Variants in ZSWIM6 observed in about 807,000 individuals in gnomAD.
ZSWIM6 encodes the protein zinc finger SWIM domain-containing protein 6.
A neutral mutation model predicts 113.2 loss-of-function variants in ZSWIM6; 9 were observed. The ratio of observed to expected loss-of-function variants is 0.08; its 90% CI spans 0.05 to 0.14. The LOEUF is 0.14. ZSWIM6 is among the 10% of genes least tolerant of loss of function. The probability of loss-of-function intolerance (pLI) is 1.00; values close to 1 mark genes in which losing one functional copy is unlikely to be tolerated. For synonymous variants in ZSWIM6, 611 were observed against 606.5 expected (o/e 1.01, Z -0.11); for missense variants, 1,162 against 1,552.2 (o/e 0.75, Z 4.22).
chr5:61,426,131 T>C (rs950199524), intron 1 of ZSWIM6, among the ~76,000 whole-genome samples: 2 of 152,202 alleles, frequency 1.3e-5, no homozygotes, highest in Non-Finnish European at 2.9e-5. Context: ...TGAGGCAGTT[T>C]AGGCCATTGC....
At chr5:61,390,790 C>T (rs1745690658) in intron 1 of ZSWIM6, 1 of 790,170 alleles carries the variant, frequency 1.3e-6, no homozygotes, top group Non-Finnish European at 2.3e-6. Context: ...AACTTAAGGT[C>T]AATCTTCTCC....
chr5:61,356,753 T>A (rs28439612), intron 1 of ZSWIM6, among the ~76,000 whole-genome samples: 2 of 137,370 alleles, frequency 1.5e-5, no homozygotes, highest in Non-Finnish European at 3.1e-5. Context: ...ATATATATAT[T>A]ATATATAATA....
Position 61,544,489 on chromosome 5 carries a change from T to C in ZSWIM6, c.*172T>C. ...TGTCATGTTGTGAAAGTTTGTGTGTTTTTTATTTTTTCCCTATTTCTTTCT... is the reference window on the plus strand; with the variant it reads ...TGTCATGTTGTGAAAGTTTGTGTGTCTTTTATTTTTTCCCTATTTCTTTCT... On this transcript the variant is annotated 3_prime_UTR_variant, in exon 14 of 14. Coordinates refer to ENST00000252744, the MANE Select transcript of ZSWIM6 (RefSeq NM_020928.2). The C allele has an allele frequency of 2.8e-6, 1 of 360,540 alleles. No individual in the cohort carries two copies. The highest frequency in any genetic ancestry group is 1.1e-4 in the South Asian group (1 of 8,824). 22.3% of individuals were successfully genotyped at this position (360,540 alleles called of 1,614,324 possible). A position where few individuals can be genotyped will look rare whatever the true frequency, so the allele number is the denominator to read the frequency against.
chr5:61,374,729 T>C (rs1745333593), intron 1 of ZSWIM6, among the ~76,000 whole-genome samples: 2 of 151,862 alleles, frequency 1.3e-5, no homozygotes, highest in South Asian at 2.1e-4. Flanking sequence ...GATTTTTTTG[T>C]ATTTTTTAGT....
At chr5:61,365,423 T>A (rs919988093) in intron 1 of ZSWIM6, among the ~76,000 whole-genome samples, 38 of 152,128 alleles carry the variant, frequency 2.5e-4, no homozygotes, top group African/African-American at 8.9e-4. Context: ...CACCTTGAAT[T>A]TTGAAAAATG....
intron 1 of ZSWIM6, among the ~76,000 whole-genome samples, chr5:61,441,163 T>G (rs982267962): frequency 6.6e-6 from 1 of 152,206 alleles, no homozygotes; most frequent in African/African-American, 2.4e-5. Context: ...CTACATGAGA[T>G]TATATTATGT....
chr5:61,391,720 G>T, intron 1 of ZSWIM6: 1 of 1,152,358 alleles, frequency 8.7e-7, no homozygotes, highest in African/African-American at 1.5e-5. Context: ...GGTCATGCCA[G>T]CCTTGTATCC....
At chr5:61,466,072 C>T (rs1747428762) in intron 1 of ZSWIM6, among the ~76,000 whole-genome samples, 1 of 152,046 alleles carries the variant, frequency 6.6e-6, no homozygotes, top group South Asian at 2.1e-4. Context: ...CCATCTTGGG[C>T]CCTTATGTTG....
At chr5:61,522,089 GTTTGTTTTTTTTTGTTT>G (rs1226105530) in intron 5 of ZSWIM6, among the ~76,000 whole-genome samples, 2 of 148,278 alleles carry the variant, frequency 1.3e-5, no homozygotes, top group African/African-American at 5.0e-5. Context: ...TGTTTTTTTT[GTTTGTTTTTTTTTGTTT>G]TTTGTTTTTT....
chr5:61,519,184 T>A (rs1749043529), intron 4 of ZSWIM6, among the ~76,000 whole-genome samples: 1 of 152,204 alleles, frequency 6.6e-6, no homozygotes, highest in African/African-American at 2.4e-5. Flanking sequence ...GGGTGATAGT[T>A]CCAATGTCAG....
intron 1 of ZSWIM6, among the ~76,000 whole-genome samples, chr5:61,436,219 TGTA>T (rs1746703864): frequency 1.3e-5 from 2 of 148,530 alleles, no homozygotes; most frequent in African/African-American, 5.0e-5. Flanking sequence ...AAAAAAAAAA[TGTA>T]GTCACTAATT....
At chr5:61,379,976 T>C (rs1745443282) in intron 1 of ZSWIM6, among the ~76,000 whole-genome samples, 1 of 152,208 alleles carries the variant, frequency 6.6e-6, no homozygotes, top group Non-Finnish European at 1.5e-5. Flanking sequence ...CCTGTTTGTG[T>C]GATATTTAAG....
rs151230370 is a variant in ZSWIM6, at chr5:61,435,339, G to A, written c.677-37342G>A. Among the ~76,000 whole-genome samples, 1,046 of 152,288 alleles carry A rather than the reference G, an allele frequency of 6.9e-3. 6 individuals carry two copies. Among genetic ancestry groups the A allele is most frequent in the Non-Finnish European group, 0.011 (750 of 68,028 alleles). On this transcript the variant is annotated intron_variant, in intron 1 of 13. Coordinates refer to ENST00000252744, the MANE Select transcript of ZSWIM6 (RefSeq NM_020928.2). ...CAGCTGCTAAAGAAATGTGTGCACA[G>A]CTACTGTTTTGGTAAACACAGACAA... is the stretch of plus-strand genomic sequence containing the variant.
chr5:61,380,328 G>C (rs138618563), intron 1 of ZSWIM6, among the ~76,000 whole-genome samples: 6 of 152,048 alleles, frequency 3.9e-5, no homozygotes, highest in Non-Finnish European at 7.4e-5. Flanking sequence ...CGCCTGCCTC[G>C]GCCTCCCAAA....
intron 4 of ZSWIM6, among the ~76,000 whole-genome samples, chr5:61,513,182 G>T (rs765998313): frequency 6.6e-6 from 1 of 151,830 alleles, no homozygotes; most frequent in Non-Finnish European, 1.5e-5. Flanking sequence ...CATCTCCATA[G>T]TTTTCTCTTT....
chr5:61,369,984 A>G (rs1579957944), intron 1 of ZSWIM6, among the ~76,000 whole-genome samples: 1 of 152,352 alleles, frequency 6.6e-6, no homozygotes, highest in Non-Finnish European at 1.5e-5. Context: ...AAATCAGATT[A>G]TGGAACATTC....
chr5:61,440,489 A>G (rs990256136), intron 1 of ZSWIM6, among the ~76,000 whole-genome samples: 6 of 152,166 alleles, frequency 3.9e-5, no homozygotes, highest in Non-Finnish European at 7.3e-5. Context: ...ACCTTCCCAG[A>G]CAGGAGAAAG....
At chr5:61,337,443 C>T (rs1383722253) in intron 1 of ZSWIM6, among the ~76,000 whole-genome samples, 1 of 152,200 alleles carries the variant, frequency 6.6e-6, no homozygotes, top group African/African-American at 2.4e-5. Context: ...CCATCTTTTT[C>T]TGTCTAAGGA....
chr5:61,531,025 T>C (rs1749416241), intron 8 of ZSWIM6, among the ~76,000 whole-genome samples: 2 of 152,198 alleles, frequency 1.3e-5, no homozygotes, highest in African/African-American at 4.8e-5. Flanking sequence ...TCTTGGATAA[T>C]AAAAAGGACT....
Sources: gnomAD v4.1 joint callset for allele counts (sites outside exome capture counted in the v4.1 genomes callset) on GRCh38, gnomAD v4.1.1 for gene constraint, MANE v1.5 for transcripts, NCBI Gene and HGNC (gene_info 2026-07-23, HGNC 2026-07-21) for gene names.